Variants in SPAG9 observed in about 807,000 individuals in gnomAD.
The protein encoded by SPAG9 is C-Jun-amino-terminal kinase-interacting protein 4.
SPAG9 carries 35 observed loss-of-function variants against 166.5 expected under a neutral mutation model. That is an observed-to-expected ratio of 0.21 (90% CI 0.16 to 0.28). The LOEUF (loss-of-function observed/expected upper bound fraction) is 0.28, where lower values mean the gene tolerates loss of function less well. SPAG9 is among the 10% of genes least tolerant of loss of function. The probability of loss-of-function intolerance (pLI) is 1.00; values close to 1 mark genes in which losing one functional copy is unlikely to be tolerated. For synonymous variants in SPAG9, 534 were observed against 565.5 expected, an observed-to-expected ratio of 0.94 and a Z score of 0.79; for missense variants, 1,235 against 1,603.3, an observed-to-expected ratio of 0.77 and a Z score of 3.92.
At chr17:51,010,600 TAC>T (rs36018106) in intron 9 of SPAG9, among the ~76,000 whole-genome samples, 1 of 145,962 alleles carries the variant, frequency 6.9e-6, no homozygotes, top group African/African-American at 2.5e-5. Flanking sequence ...TATATATATA[TAC>T]ATATATGTAT....
At chr17:51,050,489 T>C (rs1419201354) in intron 3 of SPAG9, among the ~76,000 whole-genome samples, 1 of 152,226 alleles carries the variant, frequency 6.6e-6, no homozygotes, top group Non-Finnish European at 1.5e-5. Flanking sequence ...GACTCAGTCA[T>C]CTGAGTTATT....
chr17:51,027,956 T>A (rs991171179), intron 6 of SPAG9, among the ~76,000 whole-genome samples: 5 of 151,878 alleles, frequency 3.3e-5, no homozygotes, highest in Admixed American at 2.6e-4. Context: ...AACTTTCCAG[T>A]GGGACAAGAT....
In SPAG9 at chr17:51,120,671, G is replaced by T; in HGVS notation, c.-15C>A. On this transcript the variant is annotated 5_prime_UTR_variant, in exon 1 of 30. Transcript: ENST00000262013. This position sits in a 1 kb window ranked among gnomAD's most constrained non-coding sequence, Gnocchi z 4.7. ...TCCAGCTCCATGGTGGCAAGCGGAC[G>T]GGCGGGCGGCCCGGGGCGTCGCCGG... 1 of 1,561,300 alleles carries T rather than the reference G, an allele frequency of 6.4e-7. No homozygotes were observed. The highest frequency in any genetic ancestry group is 8.7e-7 in the Non-Finnish European group (1 of 1,154,846).
At chr17:51,046,425 T>C in intron 4 of SPAG9, 1 of 1,028,512 alleles carries the variant, frequency 9.7e-7, no homozygotes, top group Non-Finnish European at 1.4e-6. Flanking sequence ...CAGAAATTGT[T>C]ACAAAGCAGA....
intron 1 of SPAG9, among the ~76,000 whole-genome samples, chr17:51,096,758 G>GT (rs750378430): frequency 2.0e-5 from 3 of 151,908 alleles, no homozygotes; most frequent in Admixed American, 6.6e-5. Context: ...AGATCAACAG[G>GT]TAAAAAAAAA....
At chr17:50,977,643 C>T (rs958165849) in intron 26 of SPAG9, among the ~76,000 whole-genome samples, 2 of 152,172 alleles carry the variant, frequency 1.3e-5, no homozygotes, top group African/African-American at 4.8e-5. Context: ...TGGCTCACTC[C>T]TGTAGATCCT....
At position 51,095,956 on chromosome 17, in the gene SPAG9, GTGAT is replaced by G. The variant is rs1568083737; in HGVS notation, c.304-16256_304-16253del. 4.1e-4 allele frequency among the ~76,000 whole-genome samples: 40 copies of G among 96,594 alleles called. 1 individual carries two copies. The highest frequency in any genetic ancestry group is 2.7e-3 in the African/African-American group (38 of 14,274). The allele number at this position is 96,594 out of a possible 152,430, so 63.4% of individuals were successfully genotyped here. On this transcript the variant is annotated intron_variant, in intron 1 of 29. Coordinates refer to ENST00000262013, the MANE Select transcript of SPAG9 (RefSeq NM_001130528.3). ...ATATAGTGATATAGTTATATATATA[GTGAT>G]ATATATATATAGTGATATATATATA...
At chr17:51,009,989 A>C (rs2045398537) in intron 9 of SPAG9, among the ~76,000 whole-genome samples, 1 of 152,136 alleles carries the variant, frequency 6.6e-6, no homozygotes, top group Admixed American at 6.5e-5. Context: ...CCTCATTTCT[A>C]TTCAAGACTT....
At chr17:51,033,861 A>G (rs936457266) in intron 5 of SPAG9, among the ~76,000 whole-genome samples, 3 of 152,224 alleles carry the variant, frequency 2.0e-5, no homozygotes, top group African/African-American at 4.8e-5. Context: ...TAAACAGTAA[A>G]TGTAAGTATT....
chr17:51,055,627 G>A (rs560928716), intron 3 of SPAG9, among the ~76,000 whole-genome samples: 1 of 152,078 alleles, frequency 6.6e-6, no homozygotes, highest in East Asian at 1.9e-4. Flanking sequence ...GCTAAGACTG[G>A]AACCATATGT....
Position 50,989,703 on chromosome 17 carries a change from T to C in SPAG9, c.2787A>G (p.Glu929=). The change falls in exon 21 of 30, where the codon GAA becomes GAG. Residue 929 remains glutamate (E), a synonymous_variant. Coordinates refer to ENST00000262013, the MANE Select transcript of SPAG9 (RefSeq NM_001130528.3). ...TCGACTGATACACTGGGGAGAGGTC[T>C]TCTGGGATCTGAACTCCCAAAGGAT... The part of the protein sequence containing the change: ...FTDPLGVQIP[E]DLSPVYQSSN... 1 of 1,614,182 alleles carries C rather than the reference T, an allele frequency of 6.2e-7. No individual in the cohort carries two copies. The highest frequency in any genetic ancestry group is 2.2e-5 in the East Asian group (1 of 44,890).
chr17:50,981,511 TAGATAGATAGATAGATAGAA>T (rs1279101605), intron 25 of SPAG9, among the ~76,000 whole-genome samples: 3 of 150,494 alleles, frequency 2.0e-5, no homozygotes, highest in Non-Finnish European at 4.4e-5. Context: ...GATAGATAGA[TAGATAGATAGATAGATAGAA>T]AGAAAGAAAG....
At chr17:51,030,825 G>C (rs1401047575) in intron 6 of SPAG9, 1 of 152,050 alleles carries the variant, frequency 6.6e-6, no homozygotes, top group Non-Finnish European at 1.5e-5. Flanking sequence ...CATGGACCCA[G>C]GTCAACCCCT....
intron 20 of SPAG9, chr17:50,990,134 T>A: frequency 1.9e-6 from 1 of 531,518 alleles, no homozygotes; most frequent in East Asian, 3.4e-5. Context: ...TTCACGCCAT[T>A]CTCCTGCCTC....
chr17:51,104,362 C>T (rs1344861935), intron 1 of SPAG9, among the ~76,000 whole-genome samples: 1 of 152,116 alleles, frequency 6.6e-6, no homozygotes, highest in Non-Finnish European at 1.5e-5. Flanking sequence ...TAAGGCCAGG[C>T]GTGGTGGCTT....
intron 26 of SPAG9, among the ~76,000 whole-genome samples, chr17:50,978,506 C>A (rs1474685552): frequency 1.3e-5 from 2 of 152,096 alleles, no homozygotes; most frequent in Non-Finnish European, 2.9e-5. Flanking sequence ...GAGCAGGGAA[C>A]AAGACAATGA....
At chr17:51,008,333 A>G (rs1006113004) in intron 9 of SPAG9, among the ~76,000 whole-genome samples, 4 of 152,150 alleles carry the variant, frequency 2.6e-5, no homozygotes. Context: ...AAGAAATGAA[A>G]TAACACACTA....
Position 51,005,121 on chromosome 17 carries a change from T to C in SPAG9, c.1476+91A>G, listed in dbSNP as rs778794630. On this transcript the variant is annotated intron_variant, in intron 12 of 29. Coordinates refer to ENST00000262013, the MANE Select transcript of SPAG9 (RefSeq NM_001130528.3). ...GTCTCCTGACTTTTAAAAATCTTTA[T>C]AGTATTATATCCAAAGCTTACGTAG... 99 of 1,040,790 alleles carry C rather than the reference T, an allele frequency of 9.5e-5. No homozygotes were observed. The African/African-American group carries it at 1.2e-3, about 13-fold the overall frequency. 64.5% of individuals were successfully genotyped at this position (1,040,790 alleles called of 1,614,324 possible). A position where few individuals can be genotyped will look rare whatever the true frequency, so the allele number is the denominator to read the frequency against.
chr17:51,096,707 TAAAAG>T (rs2048658291), intron 1 of SPAG9, among the ~76,000 whole-genome samples: 1 of 152,026 alleles, frequency 6.6e-6, no homozygotes. Flanking sequence ...ACACAGCAGT[TAAAAG>T]GAAAGAATTA....
Sources: gnomAD v4.1 joint callset for allele counts (sites outside exome capture counted in the v4.1 genomes callset) on GRCh38, gnomAD v4.1.1 for gene constraint, Gnocchi (gnomAD v3.1) non-coding constraint, MANE v1.5 for transcripts, NCBI Gene and HGNC (gene_info 2026-07-23, HGNC 2026-07-21) for gene names.